The following FAM174A variants were observed in gnomAD, a reference collection of about 807,000 sequenced individuals.
The protein encoded by FAM174A is family with sequence similarity 174 member A.
In FAM174A, 14 loss-of-function variants were observed where a neutral mutation model predicts 14.3. The ratio of observed to expected loss-of-function variants is 0.98; its 90% CI spans 0.65 to 1.53. The LOEUF (loss-of-function observed/expected upper bound fraction) is 1.53, where lower values mean the gene tolerates loss of function less well. Among genes scored for constraint, FAM174A ranks in the 40% most tolerant of loss-of-function variants. The pLI is 0.00. For missense variants in FAM174A, 241 were observed against 249.6 expected, an observed-to-expected ratio of 0.97 and a Z score of 0.23; for synonymous variants, 108 against 111.4, an observed-to-expected ratio of 0.97 and a Z score of 0.19.
At chr5:100,536,373 G>A (rs551068502) in intron 1 of FAM174A, among the ~76,000 whole-genome samples, 1 of 152,128 alleles carries the variant, frequency 6.6e-6, no homozygotes, top group Non-Finnish European at 1.5e-5. Flanking sequence ...TTAAAGACAG[G>A]ATATCTATTT....
chr5:100,553,937 A>G (rs957067836), intron 1 of FAM174A, among the ~76,000 whole-genome samples: 2 of 152,172 alleles, frequency 1.3e-5, no homozygotes, highest in African/African-American at 4.8e-5. Context: ...CTACATTCAT[A>G]TCATTTTTGT....
chr5:100,554,310 C>CTTTT (rs34241194), intron 1 of FAM174A, among the ~76,000 whole-genome samples: 242 of 93,918 alleles, frequency 2.6e-3, no homozygotes, highest in East Asian at 5.2e-3. Flanking sequence ...ATTTTTCTAT[C>CTTTT]TTTTTTTTTT....
chr5:100,538,392 A>G (rs1459518220), intron 1 of FAM174A, among the ~76,000 whole-genome samples: 2 of 152,168 alleles, frequency 1.3e-5, no homozygotes, highest in Non-Finnish European at 1.5e-5. Flanking sequence ...GAGACTTTCA[A>G]ATAGTTTTGT....
chr5:100,565,712 TAATC>T, intron 2 of FAM174A, among the ~76,000 whole-genome samples: 1 of 152,018 alleles, frequency 6.6e-6, no homozygotes, highest in African/African-American at 2.4e-5. Context: ...TTATTCATAT[TAATC>T]AAGCTGTGGA....
rs574444303 is a variant in FAM174A at position 100,555,499 on chromosome 5, G to A, written c.435-6555G>A. On this transcript the variant is annotated intron_variant, in intron 1 of 2. Coordinates refer to ENST00000312637, the MANE Select transcript of FAM174A (RefSeq NM_198507.3). The stretch of plus-strand genomic sequence containing the variant: ...TCTAGTTCTAGATCCCTGAGGAATC[G>A]CCACACTGACTTCCACAACGGTTGA... 4.6e-5 allele frequency among the ~76,000 whole-genome samples: 7 copies of A among 152,106 alleles called. No homozygotes were observed. The East Asian group carries it at 5.8e-4, about 13-fold the overall frequency.
intron 1 of FAM174A, among the ~76,000 whole-genome samples, chr5:100,553,401 A>C (rs1238053885): frequency 6.6e-6 from 1 of 152,096 alleles, no homozygotes; most frequent in East Asian, 1.9e-4. Context: ...CACCCCATAT[A>C]GTAATACAGC....
chr5:100,564,054 C>T lies in FAM174A; in HGVS notation c.569+1866C>T, dbSNP rs1422453606. Among the ~76,000 whole-genome samples the T allele has an allele frequency of 4.0e-5, 6 of 151,816 alleles. No homozygotes were observed. In the East Asian group the frequency reaches 9.7e-4, roughly 25 times the overall value. ...TTTAAGTGTGTAGCACCTGCTCCTC[C>T]TTGCTCCTATATTTGCCGTTTGAAG... On this transcript the variant is annotated intron_variant, in intron 2 of 2. Coordinates refer to ENST00000312637, the MANE Select transcript of FAM174A (RefSeq NM_198507.3).
rs1747127597 is a variant in FAM174A, at chr5:100,586,445, A to C, written c.*261A>C. 4 of 247,278 alleles carry C rather than the reference A, an allele frequency of 1.6e-5. No individual in the cohort carries two copies. Among genetic ancestry groups the C allele is most frequent in the Non-Finnish European group, 3.1e-5 (4 of 129,932 alleles). The allele number at this position is 247,278 out of a possible 1,614,324, so 15.3% of individuals were successfully genotyped here. ...ATTTATCTGTTTGAAAATTACTATA[A>C]AACGGTGTTTTCTGATCGGTTTTTG... On this transcript the variant is annotated 3_prime_UTR_variant, in exon 3 of 3. Coordinates refer to ENST00000312637, the MANE Select transcript of FAM174A (RefSeq NM_198507.3).
intron 2 of FAM174A, among the ~76,000 whole-genome samples, chr5:100,563,328 C>A (rs1182549130): frequency 6.6e-6 from 1 of 150,978 alleles, no homozygotes; most frequent in Non-Finnish European, 1.5e-5. Context: ...CAAATGGTAA[C>A]CAAAACAAAG....
At chr5:100,582,255 TA>T (rs1747034231) in intron 2 of FAM174A, among the ~76,000 whole-genome samples, 1 of 152,136 alleles carries the variant, frequency 6.6e-6, no homozygotes, top group African/African-American at 2.4e-5. Flanking sequence ...ACCTTCAGTA[TA>T]TTTTTTAAAG....
chr5:100,549,913 G>A (rs1273332379), intron 1 of FAM174A, among the ~76,000 whole-genome samples: 1 of 152,060 alleles, frequency 6.6e-6, no homozygotes, highest in African/African-American at 2.4e-5. Context: ...GTTAAAAAGA[G>A]ACTTTTAAAA....
intron 1 of FAM174A, among the ~76,000 whole-genome samples, chr5:100,552,535 AATCAGGTGC>A (rs781644143): frequency 1.3e-5 from 2 of 152,114 alleles, no homozygotes; most frequent in Admixed American, 6.6e-5. Context: ...AGCAAACTTA[AATCAGGTGC>A]ATATATCAGG....
At chr5:100,540,424 C>T (rs191984152) in intron 1 of FAM174A, among the ~76,000 whole-genome samples, 82 of 152,252 alleles carry the variant, frequency 5.4e-4, no homozygotes, top group African/African-American at 1.9e-3. Context: ...TTGTTCATAT[C>T]TCCTTGGAAA....
chr5:100,579,055 T>C (rs1746955608), intron 2 of FAM174A, among the ~76,000 whole-genome samples: 2 of 152,250 alleles, frequency 1.3e-5, no homozygotes, highest in South Asian at 4.1e-4. Flanking sequence ...GTTACTTATG[T>C]TTGTTTTCAT....
At chr5:100,537,296 C>T (rs1029447915) in intron 1 of FAM174A, among the ~76,000 whole-genome samples, 2 of 152,126 alleles carry the variant, frequency 1.3e-5, no homozygotes, top group Non-Finnish European at 2.9e-5. Flanking sequence ...CTACTCCTAT[C>T]ACCTTAAGCC....
chr5:100,550,134 A>T (rs1746236096), intron 1 of FAM174A, among the ~76,000 whole-genome samples: 2 of 152,204 alleles, frequency 1.3e-5, no homozygotes. Flanking sequence ...AACTCAGCAT[A>T]GGATACAAAC....
chr5:100,564,297 A>G (rs1459016431), intron 2 of FAM174A, among the ~76,000 whole-genome samples: 1 of 151,768 alleles, frequency 6.6e-6, no homozygotes, highest in Admixed American at 6.6e-5. Flanking sequence ...TATTGGGTCA[A>G]ATAGGAAATC....
intron 2 of FAM174A, among the ~76,000 whole-genome samples, chr5:100,572,132 T>G (rs1448962053): frequency 6.6e-6 from 1 of 152,078 alleles, no homozygotes; most frequent in Non-Finnish European, 1.5e-5. Flanking sequence ...ATAAATCAGT[T>G]CAGTAGTATT....
rs139726836 is a variant in FAM174A at position 100,568,789 on chromosome 5, A to G, written c.569+6601A>G. ...TCACTGTCCCATCATGTCCAGTACT[A>G]AGGATATATAGTCAGATACTGTGTT... is the stretch of plus-strand genomic sequence containing the variant. On this transcript the variant is annotated intron_variant, in intron 2 of 2. Coordinates refer to ENST00000312637, the MANE Select transcript of FAM174A (RefSeq NM_198507.3). Among the ~76,000 whole-genome samples the G allele has an allele frequency of 3.5e-4, 53 of 152,024 alleles. No homozygotes were observed. The East Asian group carries it at 0.01, about 29-fold the overall frequency.
Sources: allele counts gnomAD v4.1 joint callset (sites outside exome capture counted in the v4.1 genomes callset), GRCh38; gene constraint gnomAD v4.1.1; transcripts MANE v1.5; gene names NCBI Gene and HGNC (gene_info 2026-07-23, HGNC 2026-07-21).